The following DNAH8 variants were observed in gnomAD, a reference collection of about 807,000 sequenced individuals.
DNAH8 encodes the protein dynein axonemal heavy chain 8, also known as axonemal beta dynein heavy chain 8.
A neutral mutation model predicts 562.1 loss-of-function variants in DNAH8; 382 were observed. That is an observed-to-expected ratio of 0.68 (90% CI 0.63 to 0.74). The LOEUF (loss-of-function observed/expected upper bound fraction) is 0.74, where lower values mean the gene tolerates loss of function less well. Ranked by LOEUF, DNAH8 falls within the 30% of genes least tolerant of loss-of-function variation. The pLI is 0.00. For synonymous variants in DNAH8, 1,881 were observed against 1,919.4 expected (o/e 0.98, Z 0.52); for missense variants, 5,203 against 5,620.4 (o/e 0.93, Z 2.37).
intron 14 of DNAH8, 60 bp downstream of exon 14, chr6:38,778,524 A>G: frequency 9.7e-7 from 1 of 1,035,768 alleles, no homozygotes; most frequent in Non-Finnish European, 1.5e-6. Context: ...ATCTAAAAAT[A>G]CAATTTCAAA....
chr6:38,960,039 G>A (rs542495908), intron 82 of DNAH8, among the ~76,000 whole-genome samples: 58 of 152,172 alleles, frequency 3.8e-4, no homozygotes, highest in Non-Finnish European at 7.8e-4. Flanking sequence ...TCAATAAATG[G>A]TGTTGGGAAA....
At chr6:38,909,778 A>G (rs776372591) in intron 65 of DNAH8, 34 bp downstream of exon 65, 43 of 1,535,298 alleles carry the variant, frequency 2.8e-5, no homozygotes, top group Non-Finnish European at 3.9e-5. Context: ...ATCGCTATGG[A>G]ACCACAGCAT....
chr6:38,900,550 C>T (rs952650656), intron 62 of DNAH8, among the ~76,000 whole-genome samples: 1 of 152,002 alleles, frequency 6.6e-6, no homozygotes, highest in African/African-American at 2.4e-5. Context: ...ACACTTCCAC[C>T]AACATGTCAT....
chr6:38,805,429 G>C, intron 22 of DNAH8, 52 bp from the exon 23 acceptor site: 2 of 1,145,534 alleles, frequency 1.7e-6, no homozygotes, highest in Non-Finnish European at 2.6e-6. Flanking sequence ...GTAGAATACA[G>C]ACAATGCTAA....
At chr6:38,954,218 G>A (rs1762101009) in intron 82 of DNAH8, among the ~76,000 whole-genome samples, 1 of 152,180 alleles carries the variant, frequency 6.6e-6, no homozygotes, top group African/African-American at 2.4e-5. Context: ...CTTTCTAGGA[G>A]CCTGACTACT....
rs76378769 is a variant in DNAH8 at position 38,874,072 on chromosome 6, C to T, written c.7620+696C>T. Among the ~76,000 whole-genome samples the T allele has an allele frequency of 6.7e-3, 315 of 47,200 alleles. 39 individuals carry two copies. Among genetic ancestry groups the T allele is most frequent in the South Asian group, 0.017 (17 of 1,030 alleles). The allele number at this position is 47,200 out of a possible 152,430, so 31.0% of individuals were successfully genotyped here. ...TTTCTTTCTTTCTTTCTTTCTTTTT[C>T]TTTCTTTCTTTCTTTCTTTCTTTCT... On this transcript the variant is annotated intron_variant, in intron 52 of 92. Transcript: ENST00000327475.
At position 38,872,540 on chromosome 6, in the gene DNAH8, A is replaced by G; in HGVS notation, c.6995A>G (p.Tyr2332Cys). ...ATTTACTGGTTAATTGTGTAGTTATATGAGACGTCTTTGGTACGGCATGGC... is the reference window on the plus strand; with the variant it reads ...ATTTACTGGTTAATTGTGTAGTTATGTGAGACGTCTTTGGTACGGCATGGC... ...PPWNLKLVQL[Y>C]ETSLVRHGLM... Residue 2332 changes from tyrosine to cysteine, a missense_variant, in exon 50 of 93, where the codon TAT becomes TGT. By Grantham distance (194) the Tyr-to-Cys change is radical. This residue lies in a region of DNAH8 where 2,176 missense variants were observed against 2,365.1 expected (regional missense o/e 0.92). Transcript: ENST00000327475. 1 of 1,613,858 alleles carries G rather than the reference A, an allele frequency of 6.2e-7. No homozygotes were observed. Among genetic ancestry groups the G allele is most frequent in the Non-Finnish European group, 8.5e-7 (1 of 1,179,798 alleles).
rs770691922 is a variant in DNAH8 at position 38,923,072 on chromosome 6, C to T, written c.10677C>T (p.Asp3559=). The T allele has an allele frequency of 1.1e-5, 18 of 1,613,182 alleles. No homozygotes were observed. Among genetic ancestry groups the T allele is most frequent in the South Asian group, 4.4e-5 (4 of 90,970 alleles). ...TATGGCTGCAGGATTTGCTTAATGA[C>T]GCTGATACGTGCCGGAAAAAGATGC... ...AMNEKMDLLN[D]ADTCRKKMQA... The change falls in exon 72 of 93, where the codon GAC becomes GAT. Residue 3559 remains aspartate (D), a synonymous_variant. Coordinates refer to ENST00000327475, the MANE Select transcript of DNAH8 (RefSeq NM_001206927.2).
At chr6:38,992,649 T>G (rs1460872076) in intron 88 of DNAH8, among the ~76,000 whole-genome samples, 4 of 151,856 alleles carry the variant, frequency 2.6e-5, no homozygotes, top group Non-Finnish European at 5.9e-5. Flanking sequence ...ATCCACAGGA[T>G]CCCAACAAGA....
At chr6:38,927,467 G>A (rs1782210789) in intron 74 of DNAH8, among the ~76,000 whole-genome samples, 1 of 152,088 alleles carries the variant, frequency 6.6e-6, no homozygotes, top group Non-Finnish European at 1.5e-5. Context: ...TCCTAGAATG[G>A]ACCAGGCAAT....
chr6:38,926,954 T>A (rs1782171798), intron 74 of DNAH8, among the ~76,000 whole-genome samples: 1 of 152,230 alleles, frequency 6.6e-6, no homozygotes, highest in African/African-American at 2.4e-5. Flanking sequence ...TGCACTCATG[T>A]TGTGGACTTA....
At chr6:38,829,252 G>A (rs1773626295) in intron 30 of DNAH8, among the ~76,000 whole-genome samples, 1 of 152,024 alleles carries the variant, frequency 6.6e-6, no homozygotes. Context: ...TATCAGATAT[G>A]TGATTTGCAA....
chr6:38,844,668 T>G (rs776815886), intron 35 of DNAH8, among the ~76,000 whole-genome samples: 2 of 152,106 alleles, frequency 1.3e-5, no homozygotes, highest in Non-Finnish European at 2.9e-5. Context: ...CAAAACAGAG[T>G]CTTGGTACTG....
intron 65 of DNAH8, among the ~76,000 whole-genome samples, chr6:38,910,431 G>T (rs1780803048): frequency 6.6e-6 from 1 of 152,176 alleles, no homozygotes; most frequent in Non-Finnish European, 1.5e-5. Context: ...TTGATTTTCA[G>T]TGAGGTTCCT....
intron 85 of DNAH8, among the ~76,000 whole-genome samples, chr6:38,978,929 TTAA>T (rs1411721662): frequency 6.6e-6 from 1 of 152,226 alleles, no homozygotes; most frequent in East Asian, 1.9e-4. Flanking sequence ...AGTCACCATC[TTAA>T]TGATGGACAG....
chr6:38,849,749 A>G (rs1562986231), intron 37 of DNAH8, among the ~76,000 whole-genome samples: 2 of 152,186 alleles, frequency 1.3e-5, no homozygotes, highest in African/African-American at 4.8e-5. Flanking sequence ...AATATCATTC[A>G]TAGTAAATAG....
intron 3 of DNAH8, among the ~76,000 whole-genome samples, chr6:38,726,004 G>A (rs1008506079): frequency 2.6e-5 from 4 of 152,170 alleles, no homozygotes; most frequent in Non-Finnish European, 5.9e-5. Context: ...AGCAATTGGT[G>A]CAAAACAACC....
intron 48 of DNAH8, 26 bp from the exon 49 acceptor site, chr6:38,870,375 A>T (rs771908408): frequency 1.9e-6 from 3 of 1,604,214 alleles, no homozygotes; most frequent in South Asian, 2.2e-5. Context: ...GAATGAGTAA[A>T]TTTATTTTAA....
At chr6:38,978,877 A>C (rs1046559551) in intron 85 of DNAH8, among the ~76,000 whole-genome samples, 2 of 152,252 alleles carry the variant, frequency 1.3e-5, no homozygotes, top group Non-Finnish European at 2.9e-5. Flanking sequence ...AACTGTATTA[A>C]TCAAATTAAG....
Sources: allele counts gnomAD v4.1 joint callset (sites outside exome capture counted in the v4.1 genomes callset), GRCh38; gene constraint gnomAD v4.1.1; regional missense constraint gnomAD v4.1.1; transcripts MANE v1.5; gene names NCBI Gene and HGNC (gene_info 2026-07-23, HGNC 2026-07-21).